MAMDC2: variants seen among roughly 807,000 people sequenced by gnomAD.
The protein encoded by MAMDC2 is MAM domain-containing protein 2.
MAMDC2 carries 57 observed loss-of-function variants against 89.8 expected under a neutral mutation model. The observed-to-expected ratio is 0.63, with a 90% CI of 0.51 to 0.79. The LOEUF (loss-of-function observed/expected upper bound fraction) is 0.79, where lower values mean the gene tolerates loss of function less well. Among genes scored for constraint, MAMDC2 ranks in the 30% least tolerant of loss-of-function variants. MAMDC2 has a pLI of 0.00. For missense variants in MAMDC2, 800 were observed against 820.6 expected (o/e 0.97, Z 0.31); for synonymous variants, 313 against 293.4 (o/e 1.07, Z -0.68).
chr9:70,197,549 A>T (rs900569582), intron 11 of MAMDC2, among the ~76,000 whole-genome samples: 3 of 152,124 alleles, frequency 2.0e-5, no homozygotes, highest in African/African-American at 7.2e-5. Flanking sequence ...AGTGTTTCAC[A>T]TTGCACAGAC....
At chr9:70,189,148 T>C (rs538577821) in intron 11 of MAMDC2, among the ~76,000 whole-genome samples, 3 of 152,202 alleles carry the variant, frequency 2.0e-5, no homozygotes, top group Non-Finnish European at 4.4e-5. Flanking sequence ...ACAGTTATCT[T>C]TATTGGTACT....
intron 2 of MAMDC2, among the ~76,000 whole-genome samples, chr9:70,053,350 A>G (rs1383376685): frequency 6.6e-6 from 1 of 152,232 alleles, no homozygotes; most frequent in East Asian, 1.9e-4. Context: ...ATGAATAAAT[A>G]ATATGTTTTA....
chr9:70,226,224 T>A lies in MAMDC2; in HGVS notation c.*192T>A, dbSNP rs1005650649. ...TTTTTTTCTTTTTGCATATGACAAC[T>A]GTTACTAGAAATACAGGCTACTGGT... On this transcript the variant is annotated 3_prime_UTR_variant, in exon 14 of 14. Coordinates refer to ENST00000377182, the MANE Select transcript of MAMDC2 (RefSeq NM_153267.5). The A allele has an allele frequency of 4.8e-6, 2 of 413,682 alleles. No homozygotes were observed. Among genetic ancestry groups the A allele is most frequent in the African/African-American group, 4.2e-5 (2 of 47,954 alleles). 25.6% of individuals were successfully genotyped at this position (413,682 alleles called of 1,614,324 possible).
chr9:70,149,256 C>T (rs2118442023), intron 9 of MAMDC2, among the ~76,000 whole-genome samples: 1 of 150,748 alleles, frequency 6.6e-6, no homozygotes, highest in African/African-American at 2.4e-5. Flanking sequence ...CTTTATAATG[C>T]TGATGTCCAA....
intron 8 of MAMDC2, 113 bp from the exon 9 acceptor site, chr9:70,143,441 T>G: frequency 8.4e-7 from 1 of 1,184,734 alleles, no homozygotes. Flanking sequence ...TTTCTATCAT[T>G]TAAAGCATAG....
intron 11 of MAMDC2, among the ~76,000 whole-genome samples, chr9:70,207,003 C>T (rs967435583): frequency 6.6e-6 from 1 of 152,146 alleles, no homozygotes; most frequent in Non-Finnish European, 1.5e-5. Flanking sequence ...TGTATATGTG[C>T]CACATTTTCT....
At chr9:70,103,982 C>A (rs1828267947) in intron 2 of MAMDC2, among the ~76,000 whole-genome samples, 1 of 145,632 alleles carries the variant, frequency 6.9e-6, no homozygotes, top group African/African-American at 2.7e-5. Flanking sequence ...ACTCCGTCTC[C>A]ATTTAAAAAA....
At chr9:70,178,350 C>T (rs754196730) in intron 11 of MAMDC2, among the ~76,000 whole-genome samples, 8 of 151,268 alleles carry the variant, frequency 5.3e-5, no homozygotes, top group Non-Finnish European at 1.0e-4. Context: ...CAAGAGGGAA[C>T]CAAACTCATC....
intron 11 of MAMDC2, among the ~76,000 whole-genome samples, chr9:70,192,661 G>A (rs1224052898): frequency 6.6e-6 from 1 of 152,026 alleles, no homozygotes; most frequent in Non-Finnish European, 1.5e-5. Context: ...AAATATTGGT[G>A]ACATCCAACT....
intron 2 of MAMDC2, among the ~76,000 whole-genome samples, chr9:70,067,622 T>C (rs1827298522): frequency 6.6e-6 from 1 of 152,184 alleles, no homozygotes; most frequent in African/African-American, 2.4e-5. Flanking sequence ...GAAAAGGAGC[T>C]CAGGTGATCC....
intron 11 of MAMDC2, among the ~76,000 whole-genome samples, chr9:70,183,938 TA>T (rs1347406032): frequency 6.6e-6 from 1 of 152,226 alleles, no homozygotes; most frequent in Non-Finnish European, 1.5e-5. Context: ...GGTAGCTGGT[TA>T]TTGTGGCTGT....
chr9:70,225,639 G>T, intron 12 of MAMDC2, 111 bp from the exon 13 acceptor site: 1 of 596,456 alleles, frequency 1.7e-6, no homozygotes. Context: ...TTCCTTAAAG[G>T]GATCCTCAAG....
chr9:70,055,157 G>T (rs1827000556), intron 2 of MAMDC2, among the ~76,000 whole-genome samples: 1 of 152,212 alleles, frequency 6.6e-6, no homozygotes, highest in Non-Finnish European at 1.5e-5. Context: ...TGTTATAGAA[G>T]TAGTTCCGAG....
At chr9:70,217,323 G>C in intron 11 of MAMDC2, 1 of 1,388,540 alleles carries the variant, frequency 7.2e-7, no homozygotes, top group Non-Finnish European at 1.0e-6. Context: ...TCCTTTCCAA[G>C]AGGAATCCTT....
intron 2 of MAMDC2, among the ~76,000 whole-genome samples, chr9:70,056,865 C>T (rs1056853553): frequency 7.2e-5 from 11 of 152,098 alleles, no homozygotes; most frequent in Non-Finnish European, 1.0e-4. Flanking sequence ...GGGAACCCTA[C>T]GTAATTTGCA....
intron 2 of MAMDC2, among the ~76,000 whole-genome samples, chr9:70,094,933 T>C (rs1827988420): frequency 6.6e-6 from 1 of 152,236 alleles, no homozygotes. Context: ...TACAGTTGTA[T>C]AGGTTGCACA....
chr9:70,060,069 C>T (rs1827112267), intron 2 of MAMDC2, among the ~76,000 whole-genome samples: 1 of 152,204 alleles, frequency 6.6e-6, no homozygotes, highest in Non-Finnish European at 1.5e-5. Context: ...GTAATTCTTT[C>T]ACTAGGACAT....
At chr9:70,206,962 T>A (rs1280554067) in intron 11 of MAMDC2, among the ~76,000 whole-genome samples, 1 of 152,198 alleles carries the variant, frequency 6.6e-6, no homozygotes, top group Non-Finnish European at 1.5e-5. Context: ...CAAGAACTCA[T>A]CCTTTTTTAT....
chr9:70,196,798 G>T (rs2032981814), intron 11 of MAMDC2, among the ~76,000 whole-genome samples: 1 of 152,036 alleles, frequency 6.6e-6, no homozygotes, highest in Non-Finnish European at 1.5e-5. Flanking sequence ...CAATGCTTCA[G>T]GGCATATGAT....
Sources: gnomAD v4.1 joint callset for allele counts (sites outside exome capture counted in the v4.1 genomes callset) on GRCh38, gnomAD v4.1.1 for gene constraint, MANE v1.5 for transcripts, NCBI Gene and HGNC (gene_info 2026-07-23, HGNC 2026-07-21) for gene names.